Variants in BNC2 observed in about 807,000 individuals in gnomAD.
BNC2 encodes the protein zinc finger protein basonuclin-2.
A neutral mutation model predicts 76.3 loss-of-function variants in BNC2; 20 were observed. The ratio of observed to expected loss-of-function variants is 0.26; its 90% confidence interval spans 0.18 to 0.38. The LOEUF (loss-of-function observed/expected upper bound fraction) is 0.38, where lower values mean the gene tolerates loss of function less well. BNC2 is among the 10% of genes least tolerant of loss of function. The pLI, the probability that BNC2 is intolerant of heterozygous loss-of-function variation, is 1.00. For missense variants in BNC2, 1,382 were observed against 1,399.8 expected (o/e 0.99, Z 0.20); for synonymous variants, 582 against 514.8 (o/e 1.13, Z -1.77).
intron 3 of BNC2, among the ~76,000 whole-genome samples, chr9:16,663,251 G>A (rs1334142530): frequency 8.7e-5 from 13 of 149,792 alleles, no homozygotes; most frequent in Admixed American, 4.0e-4. Flanking sequence ...TGCCTCAGCC[G>A]CCCGAGTAGC....
intron 3 of BNC2, chr9:16,665,240 C>A (rs1018587476): frequency 2.7e-6 from 1 of 369,608 alleles, no homozygotes; most frequent in African/African-American, 2.2e-5. Flanking sequence ...CATGGTGGTG[C>A]ATGCCTGTAA....
At chr9:16,515,313 G>A (rs767619147) in intron 5 of BNC2, among the ~76,000 whole-genome samples, 1 of 152,172 alleles carries the variant, frequency 6.6e-6, no homozygotes, top group Non-Finnish European at 1.5e-5. Flanking sequence ...GGTGAGAAGA[G>A]GATCAATGAC....
intron 1 of BNC2, among the ~76,000 whole-genome samples, chr9:16,814,051 G>T (rs1818121259): frequency 2.0e-5 from 3 of 152,188 alleles, no homozygotes; most frequent in Non-Finnish European, 4.4e-5. Context: ...GCTAGAAGCA[G>T]AAGAATGGTG....
At chr9:16,697,518 T>C (rs1823374691) in intron 3 of BNC2, among the ~76,000 whole-genome samples, 1 of 151,928 alleles carries the variant, frequency 6.6e-6, no homozygotes, top group African/African-American at 2.4e-5. Flanking sequence ...GGCCAGGAGA[T>C]CAAGACCAGC....
intron 3 of BNC2, among the ~76,000 whole-genome samples, chr9:16,660,121 A>T (rs1409301632): frequency 1.3e-5 from 2 of 152,238 alleles, no homozygotes; most frequent in Non-Finnish European, 1.5e-5. Context: ...AGCACTTTGC[A>T]TCCCTTGCCC....
At chr9:16,844,681 T>G (rs1188877894) in intron 1 of BNC2, among the ~76,000 whole-genome samples, 1 of 152,050 alleles carries the variant, frequency 6.6e-6, no homozygotes, top group Non-Finnish European at 1.5e-5. Context: ...GTATTTTTAG[T>G]AGAGACGGGT....
At chr9:16,656,648 G>A (rs1376155038) in intron 3 of BNC2, among the ~76,000 whole-genome samples, 6 of 152,122 alleles carry the variant, frequency 3.9e-5, no homozygotes, top group Non-Finnish European at 7.3e-5. Context: ...GCTTCCATGT[G>A]GACCTTTAGG....
rs571122041 is a variant in BNC2 at position 16,714,109 on chromosome 9, C to T, written c.330+13688G>A. 3.9e-5 allele frequency among the ~76,000 whole-genome samples: 6 copies of T among 152,310 alleles called. No homozygotes were observed. The East Asian group carries it at 5.8e-4, about 15-fold the overall frequency. On this transcript the variant is annotated intron_variant, in intron 3 of 6. Transcript: ENST00000380672. The stretch of plus-strand genomic sequence containing the variant: ...TCAACCACCAAAATGATACTAATTT[C>T]GGTTTACTGTAGAAAGGCAAAATGT...
intron 1 of BNC2, among the ~76,000 whole-genome samples, chr9:16,834,416 CA>C (rs1196765243): frequency 6.6e-6 from 1 of 152,170 alleles, no homozygotes; most frequent in Admixed American, 6.5e-5. Context: ...GTGTTGGTAG[CA>C]ATGACAGACA....
At chr9:16,830,034 G>T (rs1818546126) in intron 1 of BNC2, among the ~76,000 whole-genome samples, 1 of 152,122 alleles carries the variant, frequency 6.6e-6, no homozygotes, top group Non-Finnish European at 1.5e-5. Flanking sequence ...CTACATTTCT[G>T]CTATAAATGC....
chr9:16,474,285 T>A (rs547408244), intron 5 of BNC2, among the ~76,000 whole-genome samples: 1 of 152,324 alleles, frequency 6.6e-6, no homozygotes, highest in East Asian at 1.9e-4. Flanking sequence ...TATATGTTGT[T>A]TTTTAAAAAT....
intron 3 of BNC2, among the ~76,000 whole-genome samples, chr9:16,668,825 G>A (rs184524147): frequency 7.9e-5 from 12 of 152,222 alleles, no homozygotes; most frequent in Non-Finnish European, 1.3e-4. Flanking sequence ...CTACAAATAC[G>A]GTTTTAATAG....
intron 3 of BNC2, among the ~76,000 whole-genome samples, chr9:16,635,057 T>C (rs946687016): frequency 1.5e-4 from 23 of 152,206 alleles, no homozygotes; most frequent in Non-Finnish European, 5.9e-5. Flanking sequence ...AAATAACCTA[T>C]GCTTAATAAC....
At position 16,689,163 on chromosome 9, in the gene BNC2, C is replaced by CAAA. The variant is rs58620248; in HGVS notation, c.330+38631_330+38633dup. ...ACACACTCTTTGTTTACTGAGATCA[C>CAAA]AAAAAAAAAAAAAAAAAAAAAAAAT... On this transcript the variant is annotated intron_variant, in intron 3 of 6. Coordinates refer to ENST00000380672, the MANE Select transcript of BNC2 (RefSeq NM_017637.6). Among the ~76,000 whole-genome samples the CAAA allele has an allele frequency of 8.1e-3, 405 of 49,794 alleles. 4 individuals are homozygous for CAAA. Among genetic ancestry groups the CAAA allele is most frequent in the Non-Finnish European group, 0.011 (236 of 22,302 alleles). 32.7% of individuals were successfully genotyped at this position (49,794 alleles called of 152,430 possible).
intron 3 of BNC2, among the ~76,000 whole-genome samples, chr9:16,649,890 C>T (rs760035358): frequency 1.3e-5 from 2 of 152,140 alleles, no homozygotes; most frequent in African/African-American, 2.4e-5. Context: ...AAGAACAGAG[C>T]TATGGAGACA....
At chr9:16,421,363 G>A in intron 6 of BNC2, 1 of 1,068,648 alleles carries the variant, frequency 9.4e-7, no homozygotes. Context: ...AAGAGAGAGA[G>A]AGAAAACAAA....
In BNC2 at chr9:16,847,258, C is replaced by A. The variant is rs562969494; in HGVS notation, c.3+23388G>T. Among the ~76,000 whole-genome samples, 11 of 152,230 alleles carry A rather than the reference C, an allele frequency of 7.2e-5. No individual in the cohort carries two copies. In the East Asian group the frequency reaches 2.1e-3, roughly 29 times the overall value. On this transcript the variant is annotated intron_variant, in intron 1 of 6. Transcript: ENST00000380672. ...GTTTTTGGCACTATATGACAGAGAA[C>A]TTAAACCAAGACTCAAAGAAAGGTT...
chr9:16,442,240 A>G (rs1432989615), intron 5 of BNC2, among the ~76,000 whole-genome samples: 1 of 152,376 alleles, frequency 6.6e-6, no homozygotes, highest in East Asian at 1.9e-4. Context: ...GATGAGTAAC[A>G]CCAAATAATA....
intron 3 of BNC2, among the ~76,000 whole-genome samples, chr9:16,682,623 A>G (rs866265748): frequency 6.6e-6 from 1 of 152,052 alleles, no homozygotes; most frequent in Non-Finnish European, 1.5e-5. Flanking sequence ...GTATGTCTGG[A>G]AAAAAAAGTG....
Sources: gnomAD v4.1 joint callset for allele counts (sites outside exome capture counted in the v4.1 genomes callset) on GRCh38, gnomAD v4.1.1 for gene constraint, MANE v1.5 for transcripts, NCBI Gene and HGNC (gene_info 2026-07-23, HGNC 2026-07-21) for gene names.